The following APP variants were observed in gnomAD, a reference collection of about 807,000 sequenced individuals.
The protein encoded by APP is amyloid beta precursor protein.
In APP, 31 loss-of-function variants were observed where a neutral mutation model predicts 101.4. The ratio of observed to expected loss-of-function variants is 0.31; its 90% CI spans 0.23 to 0.41. APP has a LOEUF of 0.41. Among genes scored for constraint, APP ranks in the 10% least tolerant of loss-of-function variants. The pLI is 1.00. For synonymous variants in APP, 366 were observed against 364.4 expected, an observed-to-expected ratio of 1.00 and a Z score of -0.05; for missense variants, 839 against 1,003.7, an observed-to-expected ratio of 0.84 and a Z score of 2.22.
intron 3 of APP, among the ~76,000 whole-genome samples, chr21:26,072,700 C>T (rs1276686851): frequency 6.6e-6 from 1 of 152,040 alleles, no homozygotes; most frequent in East Asian, 1.9e-4. Context: ...TGGTGCTAGT[C>T]CAGAATCAGG....
intron 13 of APP, among the ~76,000 whole-genome samples, chr21:25,953,302 C>T (rs1292541738): frequency 6.6e-6 from 1 of 152,178 alleles, no homozygotes; most frequent in Non-Finnish European, 1.5e-5. Flanking sequence ...CTGAACAGAA[C>T]ATCATCACTT....
chr21:26,150,622 T>TAGAC (rs2063248216), intron 1 of APP, among the ~76,000 whole-genome samples: 1 of 124,420 alleles, frequency 8.0e-6, no homozygotes, highest in East Asian at 2.3e-4. Context: ...GATAGACAGA[T>TAGAC]AGATAGACAG....
At chr21:26,045,381 G>A (rs1227258632) in intron 5 of APP, among the ~76,000 whole-genome samples, 1 of 152,182 alleles carries the variant, frequency 6.6e-6, no homozygotes, top group Non-Finnish European at 1.5e-5. Flanking sequence ...TGCATGGCAG[G>A]TGATTAGCAG....
chr21:26,154,413 C>A (rs562266078), intron 1 of APP, among the ~76,000 whole-genome samples: 1 of 152,230 alleles, frequency 6.6e-6, no homozygotes, highest in Admixed American at 6.5e-5. Flanking sequence ...TCCAACAGTG[C>A]TCACAATAGA....
At chr21:26,159,311 C>A (rs1308269719) in intron 1 of APP, among the ~76,000 whole-genome samples, 2 of 152,172 alleles carry the variant, frequency 1.3e-5, no homozygotes, top group Non-Finnish European at 2.9e-5. Flanking sequence ...GATCTCCTGA[C>A]CTCGTGATCC....
Position 26,080,016 on chromosome 21 carries a change from C to T in APP, c.355+9927G>A, listed in dbSNP as rs541241956. On this transcript the variant is annotated intron_variant, in intron 3 of 17. Transcript: ENST00000346798. ...GTGCACGCCTGTAATCCCAGCTACT[C>T]GGGAGGCTGAGGCAGGAGAATCACT... is the stretch of plus-strand genomic sequence containing the variant. Among the ~76,000 whole-genome samples, 4 of 152,030 alleles carry T rather than the reference C, an allele frequency of 2.6e-5. No homozygotes were observed. In the South Asian group the frequency reaches 8.3e-4, roughly 32 times the overall value.
At chr21:26,147,976 G>A (rs933518148) in intron 1 of APP, among the ~76,000 whole-genome samples, 3 of 151,990 alleles carry the variant, frequency 2.0e-5, no homozygotes, top group African/African-American at 4.8e-5. Context: ...ATTTTCTCCC[G>A]AATCTAAGGT....
At chr21:25,955,451 C>T (rs1430001438) in intron 12 of APP, among the ~76,000 whole-genome samples, 176 bp downstream of exon 12, 2 of 152,112 alleles carry the variant, frequency 1.3e-5, no homozygotes, top group Non-Finnish European at 2.9e-5. Context: ...TCAGAAAATG[C>T]CAAACCACAT....
intron 13 of APP, among the ~76,000 whole-genome samples, chr21:25,921,511 C>CT (rs2039640428): frequency 6.7e-6 from 1 of 148,680 alleles, no homozygotes; most frequent in Non-Finnish European, 1.5e-5. Context: ...AGAGGAGAAT[C>CT]AAATAGACAC....
intron 2 of APP, among the ~76,000 whole-genome samples, chr21:26,110,171 G>T (rs546462607): frequency 6.6e-6 from 1 of 152,156 alleles, no homozygotes; most frequent in Non-Finnish European, 1.5e-5. Context: ...TGGACCATAC[G>T]TGGTAGCTCA....
chr21:26,038,625 G>A (rs751682749), intron 5 of APP, among the ~76,000 whole-genome samples: 3 of 152,256 alleles, frequency 2.0e-5, no homozygotes, highest in Admixed American at 2.0e-4. Flanking sequence ...CTAGCTGGGC[G>A]TGGTGGCAGG....
At chr21:26,050,632 C>A (rs1046294021) in intron 5 of APP, among the ~76,000 whole-genome samples, 9 of 151,828 alleles carry the variant, frequency 5.9e-5, no homozygotes, top group African/African-American at 1.7e-4. Context: ...GAAAATTCAC[C>A]TTAAACTAAT....
intron 16 of APP, among the ~76,000 whole-genome samples, chr21:25,895,491 C>A (rs1346509749): frequency 1.3e-5 from 2 of 151,994 alleles, no homozygotes; most frequent in Non-Finnish European, 2.9e-5. Context: ...TACTGGGAAG[C>A]CAAAAAATTT....
chr21:25,950,154 C>T (rs113075738), intron 13 of APP, among the ~76,000 whole-genome samples: 4 of 152,128 alleles, frequency 2.6e-5, no homozygotes, highest in South Asian at 2.1e-4. Context: ...CTCTATATGG[C>T]GGTCCTGTAC....
intron 5 of APP, among the ~76,000 whole-genome samples, chr21:26,025,791 A>G (rs779339597): frequency 1.8e-4 from 27 of 152,254 alleles, no homozygotes; most frequent in Non-Finnish European, 3.2e-4. Flanking sequence ...TACTTGGCCT[A>G]AGAGAACTCA....
chr21:26,052,951 T>C (rs976336929), intron 4 of APP, among the ~76,000 whole-genome samples: 1 of 152,226 alleles, frequency 6.6e-6, no homozygotes, highest in African/African-American at 2.4e-5. Flanking sequence ...ATAATGAATC[T>C]AGTTCAACTG....
intron 1 of APP, among the ~76,000 whole-genome samples, chr21:26,148,859 G>T (rs967503080): frequency 5.9e-5 from 9 of 152,164 alleles, no homozygotes; most frequent in African/African-American, 2.2e-4. Context: ...ATACTTTGTA[G>T]ATGTGGAAAT....
At chr21:26,136,968 C>T (rs1249249191) in intron 1 of APP, among the ~76,000 whole-genome samples, 1 of 152,210 alleles carries the variant, frequency 6.6e-6, no homozygotes, top group Non-Finnish European at 1.5e-5. Flanking sequence ...TCTCTGCTCA[C>T]TGCACCTATG....
intron 1 of APP, among the ~76,000 whole-genome samples, chr21:26,139,234 T>C (rs1156532812): frequency 6.6e-6 from 1 of 151,590 alleles, no homozygotes; most frequent in African/African-American, 2.4e-5. Flanking sequence ...GACAGAAGAG[T>C]CAAAGAATCA....
Sources: gnomAD v4.1 joint callset for allele counts (sites outside exome capture counted in the v4.1 genomes callset) on GRCh38, gnomAD v4.1.1 for gene constraint, MANE v1.5 for transcripts, NCBI Gene and HGNC (gene_info 2026-07-23, HGNC 2026-07-21) for gene names.